RNF19B: variants seen among roughly 807,000 people sequenced by gnomAD.
RNF19B encodes ring finger protein 19B.
RNF19B carries 23 observed loss-of-function variants against 65.5 expected under a neutral mutation model. The ratio of observed to expected loss-of-function variants is 0.35; its 90% CI spans 0.25 to 0.50. The LOEUF (loss-of-function observed/expected upper bound fraction) is 0.50, where lower values mean the gene tolerates loss of function less well. Ranked by LOEUF, RNF19B falls within the 20% of genes least tolerant of loss-of-function variation. The pLI, the probability that RNF19B is intolerant of heterozygous loss-of-function variation, is 0.98. For missense variants in RNF19B, 794 were observed against 980.0 expected, an observed-to-expected ratio of 0.81 and a Z score of 2.53; for synonymous variants, 372 against 379.6, an observed-to-expected ratio of 0.98 and a Z score of 0.23.
rs148081906 is a variant in RNF19B, at chr1:32,942,335, G to A, written c.1527C>T (p.Tyr509=). ...TDGLSVMQGP[Y]SETASFAALS... ...GGGCTGCAAAGCTGGCCGTTTCGCT[G>A]TAAGGACCTTGCATAACACTAAGTC... Residue 509 remains tyrosine, a synonymous_variant, in exon 7 of 9, where the codon TAC becomes TAT. Transcript: ENST00000235150. 9.9e-6 allele frequency: 16 copies of A among 1,614,192 alleles called. No individual in the cohort carries two copies. The African/African-American group carries it at 2.0e-4, about 20-fold the overall frequency.
chr1:32,939,314 A>G (rs1159794218), intron 7 of RNF19B, among the ~76,000 whole-genome samples: 2 of 152,146 alleles, frequency 1.3e-5, no homozygotes, highest in Non-Finnish European at 2.9e-5. Context: ...CAGCCTCCCA[A>G]GTAGCTGGGA....
intron 1 of RNF19B, among the ~76,000 whole-genome samples, chr1:32,952,874 C>T (rs929164715): frequency 2.7e-5 from 4 of 149,266 alleles, no homozygotes; most frequent in African/African-American, 7.4e-5. Context: ...GTTTGCGCCA[C>T]TGCACTCCAG....
At chr1:32,934,433 C>T (rs1229769749), downstream of RNF19B, among the ~76,000 whole-genome samples, 1 of 152,170 alleles carries the variant, frequency 6.6e-6, no homozygotes, top group Non-Finnish European at 1.5e-5. Context: ...GTAATCCCAG[C>T]ACTTTAGGAG....
chr1:32,963,645 G>A (rs1642824653), intron 1 of RNF19B, among the ~76,000 whole-genome samples: 1 of 151,602 alleles, frequency 6.6e-6, no homozygotes, highest in Admixed American at 6.6e-5. Flanking sequence ...TTGAACCTGA[G>A]AGGCGGAGGT....
rs1223799078 is a variant in RNF19B, at chr1:32,944,163, G to A, written c.1262-4C>T. ...AGCATAATGGGGACACCAATACCTG[G>A]GGGAAGAGAAGGAAACATGTCAGCT... On this transcript the variant is annotated splice_region_variant and splice_polypyrimidine_tract_variant and intron_variant, in intron 5 of 8. Coordinates refer to ENST00000235150, the MANE Select transcript of RNF19B (RefSeq NM_001300826.2). 3 of 1,607,940 alleles carry A rather than the reference G, an allele frequency of 1.9e-6. No homozygotes were observed. The highest frequency in any genetic ancestry group is 2.2e-5 in the South Asian group (2 of 90,100).
chr1:32,935,851 G>A (rs528702295), downstream of RNF19B, among the ~76,000 whole-genome samples: 133 of 152,100 alleles, frequency 8.7e-4, no homozygotes, highest in Non-Finnish European at 1.4e-3. Context: ...AGGCTCAAGC[G>A]CTTCTCCTGC....
intron 1 of RNF19B, among the ~76,000 whole-genome samples, 188 bp downstream of exon 1, chr1:32,963,863 T>C (rs1642832317): frequency 6.6e-6 from 1 of 152,196 alleles, no homozygotes; most frequent in African/African-American, 2.4e-5. Flanking sequence ...CCTCGAGCCC[T>C]GGGGCAGGGG....
intron 1 of RNF19B, among the ~76,000 whole-genome samples, chr1:32,954,612 G>A (rs1383513925): frequency 1.3e-5 from 2 of 151,628 alleles, no homozygotes; most frequent in Non-Finnish European, 2.9e-5. Flanking sequence ...GGTGGCGCAT[G>A]CCTGTAATCC....
chr1:32,948,284 T>G lies in RNF19B; in HGVS notation c.921A>C (p.Ala307=). Residue 307 remains alanine (A), a synonymous_variant, in exon 3 of 9, where the codon GCA becomes GCC. Transcript: ENST00000235150. The part of the protein sequence containing the change: ...NDGSCNHMTC[A]VCGCEFCWLC... Reference sequence around the variant, plus strand: ...GCCAACAGAATTCACAGCCACACACTGCACAGGTCATGTGATTACAGCTTC... The same window carrying G: ...GCCAACAGAATTCACAGCCACACACGGCACAGGTCATGTGATTACAGCTTC... 6.2e-7 allele frequency: 1 copy of G among 1,614,124 alleles called. No individual in the cohort carries two copies. Among genetic ancestry groups the G allele is most frequent in the Non-Finnish European group, 8.5e-7 (1 of 1,180,000 alleles).
chr1:32,933,257 ATT>A (rs34130548), downstream of RNF19B, among the ~76,000 whole-genome samples: 1,322 of 138,132 alleles, frequency 9.6e-3, 6 homozygotes, highest in Middle Eastern at 0.018. Flanking sequence ...TATTATTATT[ATT>A]TTTTTTTTTT....
At chr1:32,941,463 C>A (rs967704959) in intron 7 of RNF19B, among the ~76,000 whole-genome samples, 1 of 152,090 alleles carries the variant, frequency 6.6e-6, no homozygotes, top group African/African-American at 2.4e-5. Flanking sequence ...TCACTAGAAC[C>A]CAGGAGGTGG....
chr1:32,958,454 C>T (rs1196532710), intron 1 of RNF19B, among the ~76,000 whole-genome samples: 2 of 152,054 alleles, frequency 1.3e-5, no homozygotes, highest in Admixed American at 1.3e-4. Context: ...TGGTGGCTCA[C>T]GCCTGTAATC....
At chr1:32,959,881 C>CAAAAAAAAA (rs35488614) in intron 1 of RNF19B, among the ~76,000 whole-genome samples, 5 of 93,106 alleles carry the variant, frequency 5.4e-5, no homozygotes, top group Admixed American at 1.1e-4. Context: ...ACTAAAAATA[C>CAAAAAAAAA]AAAAAAAAAA....
chr1:32,953,161 G>A (rs901306273), intron 1 of RNF19B, among the ~76,000 whole-genome samples: 10 of 151,230 alleles, frequency 6.6e-5, no homozygotes, highest in Non-Finnish European at 1.2e-4. Flanking sequence ...GTAGAGACAG[G>A]GTTGGTCTTG....
chr1:32,934,841 T>G (rs965136783), downstream of RNF19B, among the ~76,000 whole-genome samples: 1 of 151,984 alleles, frequency 6.6e-6, no homozygotes, highest in African/African-American at 2.4e-5. Context: ...AGGACATTAT[T>G]TTATTTTGTC....
chr1:32,945,455 G>T, intron 5 of RNF19B, 59 bp downstream of exon 5: 1 of 1,088,348 alleles, frequency 9.2e-7, no homozygotes, highest in Non-Finnish European at 1.4e-6. Flanking sequence ...CTGGCCATCT[G>T]GCTAAACTGC....
At chr1:32,946,614 G>A in intron 3 of RNF19B, 50 bp from the exon 4 acceptor site, 3 of 1,542,048 alleles carry the variant, frequency 1.9e-6, no homozygotes, top group Non-Finnish European at 2.7e-6. Flanking sequence ...AATACAGCTA[G>A]TATTATCATA....
chr1:32,962,302 C>T (rs548701369), intron 1 of RNF19B, among the ~76,000 whole-genome samples: 1 of 152,230 alleles, frequency 6.6e-6, no homozygotes, highest in East Asian at 1.9e-4. Flanking sequence ...GTTAAGAAAA[C>T]AGATCAACAG....
At position 32,964,652 on chromosome 1, in the gene RNF19B, A is replaced by G. The variant is rs1642864686; in HGVS notation, c.34T>C (p.Ser12Pro). The change falls in exon 1 of 9, where the codon TCC becomes CCC. Residue 12 changes from serine (S) to proline (P), a missense_variant. This residue lies in a region of RNF19B where 374 missense variants were observed against 423.8 expected (regional missense o/e 0.88). Coordinates refer to ENST00000235150, the MANE Select transcript of RNF19B (RefSeq NM_001300826.2). This position sits in a 1 kb window ranked among gnomAD's most constrained non-coding sequence, Gnocchi z 6.5. The part of the protein sequence containing the change: ...GSEKDSESPR[S>P]TSLHAAAPDP... ...GGTGCGGCCGCATGTAGCGATGTGG[A>G]GCGCGGCGACTCGGAGTCCTTCTCG... The G allele has an allele frequency of 1.4e-6, 2 of 1,473,678 alleles. No individual in the cohort carries two copies. Among genetic ancestry groups the G allele is most frequent in the Non-Finnish European group, 9.0e-7 (1 of 1,116,658 alleles). 91.3% of individuals were successfully genotyped at this position (1,473,678 alleles called of 1,614,324 possible). A position where few individuals can be genotyped will look rare whatever the true frequency, so the allele number is the denominator to read the frequency against.
Sources: allele counts gnomAD v4.1 joint callset (sites outside exome capture counted in the v4.1 genomes callset), GRCh38; gene constraint gnomAD v4.1.1; regional missense constraint gnomAD v4.1.1; non-coding constraint Gnocchi (gnomAD v3.1); transcripts MANE v1.5; gene names NCBI Gene and HGNC (gene_info 2026-07-23, HGNC 2026-07-21).